Variants in GEMIN8 observed in about 807,000 individuals in gnomAD.
The protein encoded by GEMIN8 is gem-associated protein 8.
For missense variants in GEMIN8, 185 were observed against 205.9 expected (o/e 0.90, Z 0.62); for synonymous variants, 80 against 78.5 (o/e 1.02, Z -0.10).
At position 14,008,866 on chromosome X, in the gene GEMIN8, T is replaced by C. The variant is rs377496967; in HGVS notation, c.*47A>G. 5.2e-6 allele frequency: 6 copies of C among 1,143,513 alleles called. No individual in the cohort carries two copies. The highest frequency in any genetic ancestry group is 1.8e-5 in the African/African-American group (1 of 55,679). 94.2% of individuals were successfully genotyped at this position (1,143,513 alleles called of 1,213,427 possible). ...TGTACAGAAGGAGAGATAAAGAGCG[T>C]GTACCCAAAAGGAAGAAGGAGAGGC... On this transcript the variant is annotated 3_prime_UTR_variant, in exon 5 of 5. Transcript: ENST00000680255.
At chrX:14,018,736 CTTTT>C (rs1432131216) in intron 4 of GEMIN8, among the ~76,000 whole-genome samples, 1 of 104,937 alleles carries the variant, frequency 9.5e-6, no homozygotes, top group African/African-American at 3.5e-5. Context: ...TTCTTTCTTT[CTTTT>C]CTTTTTCTTT....
At chrX:13,991,387 T>C in the GEMIN8 span, among the ~76,000 whole-genome samples, 2 of 112,033 alleles carry the variant, frequency 1.8e-5, no homozygotes, top group African/African-American at 6.5e-5. Flanking sequence ...CAGCAGCAGA[T>C]GGCAGCTGTC....
At chrX:14,028,864 C>T (rs1603206656) in intron 1 of GEMIN8, among the ~76,000 whole-genome samples, 1 of 112,072 alleles carries the variant, frequency 8.9e-6, no homozygotes. Flanking sequence ...ATTATGCTAG[C>T]AAAAATAGTA....
At chrX:13,997,665 C>T in the GEMIN8 span, among the ~76,000 whole-genome samples, 5 of 111,874 alleles carry the variant, frequency 4.5e-5, no homozygotes, top group African/African-American at 6.5e-5. Context: ...GAGGCTGAGG[C>T]GGGCGGATCA....
At chrX:14,012,654 G>A (rs1318216985) in intron 4 of GEMIN8, among the ~76,000 whole-genome samples, 1 of 112,104 alleles carries the variant, frequency 8.9e-6, no homozygotes, top group Admixed American at 9.4e-5. Context: ...CTGACACAAA[G>A]CAGATGCTCA....
intron 2 of GEMIN8, among the ~76,000 whole-genome samples, chrX:14,023,381 C>T (rs1367032223): frequency 2.8e-5 from 3 of 108,354 alleles, no homozygotes; most frequent in Non-Finnish European, 5.7e-5. Context: ...GTTTTATATT[C>T]CTTTTTTTTT....
the GEMIN8 span, among the ~76,000 whole-genome samples, chrX:13,998,309 T>C: frequency 9.0e-6 from 1 of 110,620 alleles, no homozygotes; most frequent in African/African-American, 3.3e-5. Flanking sequence ...GAATTTCATC[T>C]CAAATTGCAA....
At chrX:14,023,255 T>C (rs1243483990) in intron 2 of GEMIN8, among the ~76,000 whole-genome samples, 1 of 112,523 alleles carries the variant, frequency 8.9e-6, no homozygotes, top group Non-Finnish European at 1.9e-5. Flanking sequence ...AGTTAATACT[T>C]AGGTGGCTTA....
At chrX:14,019,610 G>A (rs1924162926) in intron 4 of GEMIN8, among the ~76,000 whole-genome samples, 1 of 112,147 alleles carries the variant, frequency 8.9e-6, no homozygotes, top group African/African-American at 3.2e-5. Context: ...CTAGTATACA[G>A]AAAGCAGTAC....
intron 2 of GEMIN8, among the ~76,000 whole-genome samples, chrX:14,022,046 G>C (rs1924407080): frequency 1.0e-5 from 1 of 98,882 alleles, no homozygotes; most frequent in African/African-American, 3.7e-5. Context: ...TATATATAAT[G>C]TGTATATATA....
chrX:14,022,149 C>T (rs1165252791), intron 2 of GEMIN8, among the ~76,000 whole-genome samples: 2 of 106,689 alleles, frequency 1.9e-5, no homozygotes, highest in African/African-American at 6.9e-5. Flanking sequence ...TAATCCTTAA[C>T]TCATGCTAAT....
At chrX:13,988,939 C>A in the GEMIN8 span, 8 of 108,524 alleles carry the variant, frequency 7.4e-5, no homozygotes, top group African/African-American at 2.4e-4. Flanking sequence ...AATGGTAGAA[C>A]TGGGTTATAG....
At chrX:14,019,516 C>G (rs946272760) in intron 4 of GEMIN8, among the ~76,000 whole-genome samples, 8 of 111,639 alleles carry the variant, frequency 7.2e-5, no homozygotes, top group Non-Finnish European at 1.5e-4. Flanking sequence ...GATTTGGGAC[C>G]TCTAGCACCA....
At chrX:13,995,031 G>C in the GEMIN8 span, among the ~76,000 whole-genome samples, 1 of 111,965 alleles carries the variant, frequency 8.9e-6, no homozygotes, top group Non-Finnish European at 1.9e-5. Flanking sequence ...AACATCAAAA[G>C]TAGGGAAGGC....
downstream of GEMIN8, among the ~76,000 whole-genome samples, chrX:14,006,523 G>T (rs968708557): frequency 8.9e-6 from 1 of 111,770 alleles, no homozygotes; most frequent in Non-Finnish European, 1.9e-5. Context: ...TCAAATATTT[G>T]TTGGATAAAC....
the GEMIN8 span, among the ~76,000 whole-genome samples, chrX:13,997,684 C>T: frequency 1.8e-5 from 2 of 111,355 alleles, no homozygotes; most frequent in Non-Finnish European, 3.8e-5. Context: ...CACCTGAGGT[C>T]GGGAGTTCGA....
the GEMIN8 span, among the ~76,000 whole-genome samples, chrX:13,993,034 T>C: frequency 9.0e-6 from 1 of 111,722 alleles, no homozygotes; most frequent in Non-Finnish European, 1.9e-5. Context: ...TTCTGCACCA[T>C]CTCTTACATC....
the GEMIN8 span, among the ~76,000 whole-genome samples, chrX:13,985,949 G>C: frequency 9.0e-6 from 1 of 111,070 alleles, no homozygotes; most frequent in South Asian, 3.8e-4. Context: ...TTCGAAACTT[G>C]ATTCTTATCA....
At chrX:14,021,700 A>T (rs1332117413) in intron 2 of GEMIN8, among the ~76,000 whole-genome samples, 189 bp from the exon 3 acceptor site, 1 of 105,900 alleles carries the variant, frequency 9.4e-6, no homozygotes, top group Non-Finnish European at 1.9e-5. Flanking sequence ...GGAGGGATCC[A>T]CTTAGGTTTG....
Sources: allele counts gnomAD v4.1 joint callset (sites outside exome capture counted in the v4.1 genomes callset), GRCh38; gene constraint gnomAD v4.1.1; transcripts MANE v1.5; gene names NCBI Gene and HGNC (gene_info 2026-07-23, HGNC 2026-07-21).